The following ZNF521 variants were observed in gnomAD, a reference collection of about 807,000 sequenced individuals.
ZNF521 encodes zinc finger protein 521.
A neutral mutation model predicts 105.5 loss-of-function variants in ZNF521; 14 were observed. That is an observed-to-expected ratio of 0.13 (90% CI 0.09 to 0.21). The LOEUF is 0.21. ZNF521 is among the 10% of genes least tolerant of loss of function. The probability of loss-of-function intolerance (pLI) is 1.00; values close to 1 mark genes in which losing one functional copy is unlikely to be tolerated. For missense variants in ZNF521, 1,233 were observed against 1,629.7 expected, an observed-to-expected ratio of 0.76 and a Z score of 4.19; for synonymous variants, 635 against 606.0, an observed-to-expected ratio of 1.05 and a Z score of -0.70.
At chr18:25,212,538 A>AATATATATAT in intron 4 of ZNF521, among the ~76,000 whole-genome samples, 70 of 48,130 alleles carry the variant, frequency 1.5e-3, no homozygotes, top group East Asian at 3.2e-3. Flanking sequence ...AAAAAAAAAA[A>AATATATATAT]ATATATATAT....
In ZNF521 at chr18:25,295,267, C is replaced by G. The variant is rs537220479; in HGVS notation, c.220+26741G>C. Among the ~76,000 whole-genome samples the G allele has an allele frequency of 2.0e-4, 30 of 152,216 alleles. No homozygotes were observed. The South Asian group carries it at 3.7e-3, about 19-fold the overall frequency. On this transcript the variant is annotated intron_variant, in intron 3 of 7. Coordinates refer to ENST00000361524, the MANE Select transcript of ZNF521 (RefSeq NM_015461.3). ...TGAATGGTTCCATACTGTATGTATT[C>G]TTTGTCATCTTGTTTCTTGGGTCAA...
chr18:25,106,622 C>T (rs1000431126), intron 5 of ZNF521, among the ~76,000 whole-genome samples: 1 of 152,158 alleles, frequency 6.6e-6, no homozygotes, highest in Admixed American at 6.5e-5. Flanking sequence ...CATCTCCACC[C>T]TCCCCAATAT....
chr18:25,197,251 A>C (rs2035918164), intron 4 of ZNF521, among the ~76,000 whole-genome samples: 1 of 151,856 alleles, frequency 6.6e-6, no homozygotes, highest in Non-Finnish European at 1.5e-5. Flanking sequence ...ATTCTTATCT[A>C]TAAGCTCCTA....
intron 3 of ZNF521, among the ~76,000 whole-genome samples, chr18:25,235,241 T>C (rs1044820545): frequency 6.6e-6 from 1 of 152,234 alleles, no homozygotes; most frequent in African/African-American, 2.4e-5. Flanking sequence ...TCTATTTCAC[T>C]TCAAAATCCT....
At chr18:25,158,527 A>T (rs2035190365) in intron 5 of ZNF521, among the ~76,000 whole-genome samples, 2 of 152,190 alleles carry the variant, frequency 1.3e-5, no homozygotes, top group South Asian at 4.1e-4. Context: ...TAGGGAAGAA[A>T]TCTTCAAAGG....
intron 5 of ZNF521, among the ~76,000 whole-genome samples, chr18:25,125,232 G>C (rs548324041): frequency 6.6e-6 from 1 of 152,164 alleles, no homozygotes; most frequent in South Asian, 2.1e-4. Context: ...ATGGGAATAT[G>C]ATAGACAATA....
At chr18:25,204,007 G>A (rs539317165) in intron 4 of ZNF521, among the ~76,000 whole-genome samples, 1 of 152,166 alleles carries the variant, frequency 6.6e-6, no homozygotes, top group Non-Finnish European at 1.5e-5. Flanking sequence ...GCACCTCCCC[G>A]CCACTCTCTA....
At chr18:25,332,646 A>G (rs1913643163) in intron 2 of ZNF521, among the ~76,000 whole-genome samples, 1 of 152,208 alleles carries the variant, frequency 6.6e-6, no homozygotes, top group African/African-American at 2.4e-5. Flanking sequence ...CATTTGTTTT[A>G]AATTTTTTAA....
At chr18:25,290,793 T>C (rs1175656324) in intron 3 of ZNF521, among the ~76,000 whole-genome samples, 1 of 151,852 alleles carries the variant, frequency 6.6e-6, no homozygotes, top group Non-Finnish European at 1.5e-5. Context: ...GTATTTTTAG[T>C]AGAGACCCAC....
intron 4 of ZNF521, among the ~76,000 whole-genome samples, chr18:25,212,432 C>T (rs2036197590): frequency 7.2e-6 from 1 of 139,642 alleles, no homozygotes; most frequent in Admixed American, 7.6e-5. Context: ...ATCACTTGAA[C>T]CCGGTAGGTG....
intron 2 of ZNF521, among the ~76,000 whole-genome samples, chr18:25,345,990 CTAATT>C (rs1276875300): frequency 2.6e-5 from 4 of 152,118 alleles, no homozygotes; most frequent in Non-Finnish European, 2.9e-5. Context: ...ATCTCTCTCT[CTAATT>C]TGTGTGTGTA....
At chr18:25,191,174 T>C (rs1292167847) in intron 5 of ZNF521, among the ~76,000 whole-genome samples, 5 of 152,158 alleles carry the variant, frequency 3.3e-5, no homozygotes, top group Admixed American at 1.3e-4. Context: ...CTGGTCTCTC[T>C]AGTCAGATGA....
intron 6 of ZNF521, among the ~76,000 whole-genome samples, chr18:25,090,723 C>T (rs1163198363): frequency 2.0e-5 from 3 of 152,138 alleles, no homozygotes; most frequent in African/African-American, 7.2e-5. Flanking sequence ...CTTCTGGCTA[C>T]AACATGAAAG....
chr18:25,342,286 A>G (rs1033235828), intron 2 of ZNF521, among the ~76,000 whole-genome samples: 2 of 152,000 alleles, frequency 1.3e-5, no homozygotes, highest in Admixed American at 6.5e-5. Flanking sequence ...AAACCCCCCT[A>G]TGTATAGGAA....
intron 7 of ZNF521, among the ~76,000 whole-genome samples, chr18:25,086,026 T>C (rs761090450): frequency 6.6e-5 from 10 of 152,110 alleles, no homozygotes; most frequent in Non-Finnish European, 1.2e-4. Context: ...TTTAGTTTTA[T>C]AGTCTCTTGT....
intron 7 of ZNF521, among the ~76,000 whole-genome samples, chr18:25,083,931 ATTTTTTTTT>A (rs56364504): frequency 4.5e-4 from 26 of 57,890 alleles, no homozygotes; most frequent in Middle Eastern, 0.013. Flanking sequence ...AACCTGGGTA[ATTTTTTTTT>A]TTTTTTTTTT....
At chr18:25,157,766 T>A (rs2035174518) in intron 5 of ZNF521, among the ~76,000 whole-genome samples, 1 of 152,168 alleles carries the variant, frequency 6.6e-6, no homozygotes, top group South Asian at 2.1e-4. Flanking sequence ...CTTTTTTTTT[T>A]TTGAGACGGA....
At chr18:25,349,417 T>C (rs1300389071) in intron 2 of ZNF521, among the ~76,000 whole-genome samples, 1 of 152,198 alleles carries the variant, frequency 6.6e-6, no homozygotes, top group Non-Finnish European at 1.5e-5. Context: ...ACACACTGTG[T>C]GGAGACACAT....
intron 4 of ZNF521, among the ~76,000 whole-genome samples, chr18:25,213,191 A>ATATT (rs958040820): frequency 9.7e-4 from 59 of 61,058 alleles, no homozygotes; most frequent in African/African-American, 2.7e-3. Context: ...TATAATGATA[A>ATATT]TATTATAGTT....
Sources: gnomAD v4.1 joint callset for allele counts (sites outside exome capture counted in the v4.1 genomes callset) on GRCh38, gnomAD v4.1.1 for gene constraint, MANE v1.5 for transcripts, NCBI Gene and HGNC (gene_info 2026-07-23, HGNC 2026-07-21) for gene names.